Variants in AKT2 observed in about 807,000 individuals in gnomAD.
AKT2 encodes AKT serine/threonine kinase 2, also known as RAC-beta serine/threonine-protein kinase.
In AKT2, 16 loss-of-function variants were observed where a neutral mutation model predicts 58.6. The ratio of observed to expected loss-of-function variants is 0.27; its 90% CI spans 0.18 to 0.41. AKT2 has a LOEUF of 0.41. AKT2 is among the 10% of genes least tolerant of loss of function. AKT2 has a pLI of 1.00. For missense variants in AKT2, 438 were observed against 661.0 expected, an observed-to-expected ratio of 0.66 and a Z score of 3.70; for synonymous variants, 253 against 254.0, an observed-to-expected ratio of 1.00 and a Z score of 0.04.
At chr19:40,255,310 A>G (rs1370634421) in intron 3 of AKT2, 41 bp from the exon 4 acceptor site, 2 of 1,537,160 alleles carry the variant, frequency 1.3e-6, no homozygotes, top group Admixed American at 1.7e-5. Flanking sequence ...CTGAGGGGAT[A>G]GCCCTGCTAG....
intron 1 of AKT2, chr19:40,284,939 C>A (rs2077486661): frequency 6.0e-6 from 2 of 333,306 alleles, no homozygotes; most frequent in Non-Finnish European, 1.1e-5. Context: ...CGCTCCCCGT[C>A]CCGCAAACTT....
At chr19:40,258,639 A>C (rs970976550) in intron 2 of AKT2, among the ~76,000 whole-genome samples, 2 of 151,460 alleles carry the variant, frequency 1.3e-5, no homozygotes, top group Admixed American at 1.3e-4. Flanking sequence ...CCAGTGACAG[A>C]GCAAGACCCT....
intron 1 of AKT2, among the ~76,000 whole-genome samples, chr19:40,278,632 C>G (rs2077368531): frequency 6.6e-6 from 1 of 152,046 alleles, no homozygotes; most frequent in African/African-American, 2.4e-5. Context: ...TCCCAAGGAC[C>G]AACAACGAGC....
intron 1 of AKT2, among the ~76,000 whole-genome samples, chr19:40,280,034 C>T (rs1293519217): frequency 6.6e-6 from 1 of 152,180 alleles, no homozygotes; most frequent in East Asian, 1.9e-4. Flanking sequence ...CTCAACCTGG[C>T]CCTCATTTAT....
rs771603121 is a variant in AKT2 at position 40,233,856 on chromosome 19, T to C, written c.*16A>G. The C allele has an allele frequency of 6.2e-7, 1 of 1,609,262 alleles. No homozygotes were observed. ...GTGATGGCAGCGAGCGTGCGTCCTCTGCGTGGGCAGACTGCTCACTCGCGG... is the reference window on the plus strand; with the variant it reads ...GTGATGGCAGCGAGCGTGCGTCCTCCGCGTGGGCAGACTGCTCACTCGCGG... On this transcript the variant is annotated 3_prime_UTR_variant, in exon 14 of 14. Transcript: ENST00000392038. The surrounding 1 kb of genome is among the most constrained non-coding windows in gnomAD (Gnocchi z 4.3).
intron 2 of AKT2, among the ~76,000 whole-genome samples, 172 bp downstream of exon 2, chr19:40,265,050 A>T (rs990523685): frequency 6.6e-6 from 1 of 152,206 alleles, no homozygotes; most frequent in Admixed American, 6.5e-5. Flanking sequence ...TCCTGCCCAG[A>T]TGACCACTGA....
At chr19:40,284,673 G>A (rs1461499940) in intron 1 of AKT2, 1 of 152,284 alleles carries the variant, frequency 6.6e-6, no homozygotes, top group African/African-American at 2.4e-5. Context: ...CCTCTGATTT[G>A]GGTTCCCCTA....
intron 1 of AKT2, chr19:40,282,404 C>A (rs2077439224): frequency 4.5e-6 from 2 of 443,200 alleles, no homozygotes; most frequent in South Asian, 1.6e-5. Context: ...TGTGTCACCC[C>A]CTGCATGGCT....
chr19:40,249,494 G>A (rs549480062), intron 4 of AKT2, among the ~76,000 whole-genome samples: 5 of 152,324 alleles, frequency 3.3e-5, no homozygotes, highest in Middle Eastern at 3.4e-3. Flanking sequence ...GCCATCCTGC[G>A]GGGCACCCCA....
rs751060369 is a variant in AKT2, at chr19:40,234,136, GCCT to G, written c.1367-188_1367-186del. Among the ~76,000 whole-genome samples, 4 of 152,136 alleles carry G rather than the reference GCCT, an allele frequency of 2.6e-5. No individual in the cohort carries two copies. The highest frequency in any genetic ancestry group is 4.4e-5 in the Non-Finnish European group (3 of 67,996). ...ACTCCCCAAACCTGAGCCCCGGGCG[GCCT>G]CCTCTGGGAGTTTCCTGTGCCCTTG... is the stretch of plus-strand genomic sequence containing the variant. On this transcript the variant is annotated intron_variant, in intron 13 of 13. Transcript: ENST00000392038. This position sits in a 1 kb window ranked among gnomAD's most constrained non-coding sequence, Gnocchi z 4.7.
rs147634759 is a variant in AKT2, at chr19:40,236,042, G to A, written c.1023C>T (p.Tyr341=). The A allele has an allele frequency of 2.0e-5, 32 of 1,613,970 alleles. No homozygotes were observed. The highest frequency in any genetic ancestry group is 6.7e-5 in the Admixed American group (4 of 59,992). The change falls in exon 11 of 14, where the codon TAC becomes TAT. Residue 341 remains tyrosine (Y), a synonymous_variant. Coordinates refer to ENST00000392038, the MANE Select transcript of AKT2 (RefSeq NM_001626.6). ...AGGGCAGGCGGCCGCACATCATCTC[G>A]TACATGACCACACCCAGCCCCCACC... is the stretch of plus-strand genomic sequence containing the variant. ...VDWWGLGVVM[Y]EMMCGRLPFY... is the part of the protein sequence containing the mutation.
chr19:40,269,532 T>G (rs1976575702), intron 1 of AKT2: 1 of 152,228 alleles, frequency 6.6e-6, no homozygotes, highest in Non-Finnish European at 1.5e-5. Context: ...GTTCAACTAC[T>G]GTGGAAAACT....
At chr19:40,260,126 T>C (rs1210260025) in intron 2 of AKT2, among the ~76,000 whole-genome samples, 1 of 151,698 alleles carries the variant, frequency 6.6e-6, no homozygotes, top group Non-Finnish European at 1.5e-5. Context: ...CACTCCAGCA[T>C]GGGAGACAGA....
intron 1 of AKT2, chr19:40,275,357 C>G (rs1568572070): frequency 4.4e-6 from 2 of 455,516 alleles, no homozygotes. Flanking sequence ...TCCCTGGGAG[C>G]TCCAGGGCAG....
chr19:40,258,013 G>A lies in AKT2; in HGVS notation c.47-959C>T, dbSNP rs1398693541. ...TGTAATCCCGGCACTTTGGGAGGCCGAGGCGAGCGGATCACCTGAGGTCGG... is the reference window on the plus strand; with the variant it reads ...TGTAATCCCGGCACTTTGGGAGGCCAAGGCGAGCGGATCACCTGAGGTCGG... On this transcript the variant is annotated intron_variant, in intron 2 of 13. Transcript: ENST00000392038. Among the ~76,000 whole-genome samples the A allele has an allele frequency of 3.9e-5, 6 of 152,094 alleles. No individual in the cohort carries two copies. The East Asian group carries it at 7.7e-4, about 20-fold the overall frequency.
chr19:40,275,264 CT>C (rs1568571895), intron 1 of AKT2: 4 of 456,744 alleles, frequency 8.8e-6, no homozygotes, highest in Admixed American at 2.3e-5. Context: ...CTTACCGCCC[CT>C]GATGTGCACG....
chr19:40,275,546 C>T (rs1485493314), intron 1 of AKT2: 4 of 356,260 alleles, frequency 1.1e-5, no homozygotes, highest in South Asian at 4.2e-5. Flanking sequence ...ACAGTCACAG[C>T]GAGTAGGTGC....
Position 40,233,257 on chromosome 19 carries a change from T to G in AKT2, c.*615A>C. The G allele has an allele frequency of 3.1e-6, 1 of 324,816 alleles. No individual in the cohort carries two copies. Among genetic ancestry groups the G allele is most frequent in the Non-Finnish European group, 5.8e-6 (1 of 171,290 alleles). The allele number at this position is 324,816 out of a possible 1,614,324, so 20.1% of individuals were successfully genotyped here. A position where few individuals can be genotyped will look rare whatever the true frequency, so the allele number is the denominator to read the frequency against. ...CCCGGCCACTCCTGGTTCCCCATGGTACAGATCCTAGGATCTGACTCCATT... is the reference window on the plus strand; with the variant it reads ...CCCGGCCACTCCTGGTTCCCCATGGGACAGATCCTAGGATCTGACTCCATT... On this transcript the variant is annotated 3_prime_UTR_variant, in exon 14 of 14. Coordinates refer to ENST00000392038, the MANE Select transcript of AKT2 (RefSeq NM_001626.6). This position sits in a 1 kb window ranked among gnomAD's most constrained non-coding sequence, Gnocchi z 4.3.
Position 40,238,421 on chromosome 19 carries a change from G to A in AKT2, c.709-330C>T, listed in dbSNP as rs916863249. Among the ~76,000 whole-genome samples, 1 of 152,170 alleles carries A rather than the reference G, an allele frequency of 6.6e-6. No individual in the cohort carries two copies. The highest frequency in any genetic ancestry group is 1.5e-5 in the Non-Finnish European group (1 of 68,016). Reference sequence around the variant, plus strand: ...GGGCAAGCCCAGATCAGACAGATGAGCAAACCACGCATCCCAAAGCAGGTG... The same window carrying A: ...GGGCAAGCCCAGATCAGACAGATGAACAAACCACGCATCCCAAAGCAGGTG... On this transcript the variant is annotated intron_variant, in intron 8 of 13. Coordinates refer to ENST00000392038, the MANE Select transcript of AKT2 (RefSeq NM_001626.6). The surrounding 1 kb of genome is among the most constrained non-coding windows in gnomAD (Gnocchi z 5.1).
Sources: allele counts gnomAD v4.1 joint callset (sites outside exome capture counted in the v4.1 genomes callset), GRCh38; gene constraint gnomAD v4.1.1; non-coding constraint Gnocchi (gnomAD v3.1); transcripts MANE v1.5; gene names NCBI Gene and HGNC (gene_info 2026-07-23, HGNC 2026-07-21).